Variants in ADGRB2 observed in about 807,000 individuals in gnomAD.
The protein encoded by ADGRB2 is brain-specific angiogenesis inhibitor 2.
In ADGRB2, 47 loss-of-function variants were observed where a neutral mutation model predicts 178.7. The observed-to-expected ratio is 0.26, with a 90% confidence interval of 0.21 to 0.34. The LOEUF (loss-of-function observed/expected upper bound fraction) is 0.34, where lower values mean the gene tolerates loss of function less well. ADGRB2 is among the 10% of genes least tolerant of loss of function. ADGRB2 has a pLI of 1.00. For synonymous variants in ADGRB2, 870 were observed against 912.4 expected, an observed-to-expected ratio of 0.95 and a Z score of 0.84; for missense variants, 1,584 against 2,180.8, an observed-to-expected ratio of 0.73 and a Z score of 5.45.
intron 28 of ADGRB2, 149 bp downstream of exon 28, chr1:31,731,966 C>G: frequency 2.0e-6 from 2 of 977,208 alleles, no homozygotes; most frequent in South Asian, 3.1e-5. Context: ...AAGGGACATT[C>G]GCAGCCTTGC....
rs1456729613 is a variant in ADGRB2 at position 31,727,512 on chromosome 1, G to A, written c.4666C>T (p.Pro1556Ser). The A allele has an allele frequency of 1.3e-5, 21 of 1,597,344 alleles. No homozygotes were observed. The highest frequency in any genetic ancestry group is 1.6e-5 in the Non-Finnish European group (19 of 1,175,530). Residue 1556 changes from proline (P) to serine (S), a missense_variant, in exon 33 of 33, where the codon CCC (proline) becomes TCC (serine). Around this residue, in one of 3 missense-constraint regions of ADGRB2, gnomAD observed 865 missense variants for 1,192.8 expected, o/e 0.73. Coordinates refer to ENST00000373658, the MANE Select transcript of ADGRB2 (RefSeq NM_001364857.2). This position sits in a 1 kb window ranked among gnomAD's most constrained non-coding sequence, Gnocchi z 4.4. ...TFKSMTLGSL[P>S]PKPRERLTLH... Reference sequence around the variant, plus strand: ...GTCAGCCGTTCTCGGGGCTTGGGGGGCAGCGAGCCCAGTGTCATAGATTTG... The same window carrying A: ...GTCAGCCGTTCTCGGGGCTTGGGGGACAGCGAGCCCAGTGTCATAGATTTG...
chr1:31,751,920 T>C (rs1646591290), intron 4 of ADGRB2, among the ~76,000 whole-genome samples: 1 of 152,206 alleles, frequency 6.6e-6, no homozygotes, highest in Admixed American at 6.5e-5. Context: ...ATCTACCATG[T>C]GCCAGGCACT....
rs1026593228 is a variant in ADGRB2 at position 31,754,475 on chromosome 1, G to A, written c.838+1524C>T. 6.6e-6 allele frequency among the ~76,000 whole-genome samples: 1 copy of A among 152,260 alleles called. No homozygotes were observed. Among genetic ancestry groups the A allele is most frequent in the Non-Finnish European group, 1.5e-5 (1 of 68,044 alleles). ...ATAAGCCTCCTGATATACGCCTGGC[G>A]TTCTCCGCCGATGTTCAACAAAGAA... On this transcript the variant is annotated intron_variant, in intron 4 of 32. Coordinates refer to ENST00000373658, the MANE Select transcript of ADGRB2 (RefSeq NM_001364857.2). The surrounding 1 kb of genome is among the most constrained non-coding windows in gnomAD (Gnocchi z 5.7).
In ADGRB2 at chr1:31,756,012, G is replaced by T; in HGVS notation, c.825C>A (p.Thr275=). 6.2e-7 allele frequency: 1 copy of T among 1,608,856 alleles called. No individual in the cohort carries two copies. The highest frequency in any genetic ancestry group is 1.7e-5 in the Admixed American group (1 of 59,876). The change falls in exon 4 of 33, where the codon ACC becomes ACA. Residue 275 remains threonine, a synonymous_variant. Coordinates refer to ENST00000373658, the MANE Select transcript of ADGRB2 (RefSeq NM_001364857.2). This position sits in a 1 kb window ranked among gnomAD's most constrained non-coding sequence, Gnocchi z 8.5. ...HSGSSNDLFT[T]EMRYGEEPEE... The stretch of plus-strand genomic sequence containing the variant: ...GCTGAGACTCACCATATCTCATCTC[G>T]GTTGTGAACAGATCATTGCTGCTCC...
chr1:31,732,861 G>A, intron 26 of ADGRB2, 111 bp downstream of exon 26: 2 of 1,398,266 alleles, frequency 1.4e-6, no homozygotes, highest in East Asian at 5.0e-5. Context: ...CCCAGATGGG[G>A]CCTGGGGCAC....
Position 31,742,036 on chromosome 1 carries a change from C to G in ADGRB2, c.1417+17G>C. ...TGGTCAGAGCTGCAACTTGCCACCA[C>G]TGTGCCAAGCACTCACCCGGGCACT... On this transcript the variant is annotated intron_variant, in intron 8 of 32. Coordinates refer to ENST00000373658, the MANE Select transcript of ADGRB2 (RefSeq NM_001364857.2). The G allele has an allele frequency of 1.3e-6, 2 of 1,595,344 alleles. No individual in the cohort carries two copies. Among genetic ancestry groups the G allele is most frequent in the Non-Finnish European group, 1.7e-6 (2 of 1,168,580 alleles).
rs891418357 is a variant in ADGRB2 at position 31,761,257 on chromosome 1, C to T, written c.-191+2627G>A. On this transcript the variant is annotated intron_variant, in intron 1 of 32. Transcript: ENST00000373658. This position sits in a 1 kb window ranked among gnomAD's most constrained non-coding sequence, Gnocchi z 4.2. ...AGCCATCACAGGTTCGAGTCCCCTTCCTCCGTGCCACCTTCCCTGCCCCCA... is the reference window on the plus strand; with the variant it reads ...AGCCATCACAGGTTCGAGTCCCCTTTCTCCGTGCCACCTTCCCTGCCCCCA... Among the ~76,000 whole-genome samples the T allele has an allele frequency of 6.6e-6, 1 of 152,220 alleles. No homozygotes were observed.
Position 31,728,767 on chromosome 1 carries a change from G to T in ADGRB2, c.4381-134C>A. Reference sequence around the variant, plus strand: ...TCCCCCCAACCCAGGCCCAGAAGTTGCGGACCTTCATGGGGCAGCTTTTCA... The same window carrying T: ...TCCCCCCAACCCAGGCCCAGAAGTTTCGGACCTTCATGGGGCAGCTTTTCA... On this transcript the variant is annotated intron_variant, in intron 29 of 32. Coordinates refer to ENST00000373658, the MANE Select transcript of ADGRB2 (RefSeq NM_001364857.2). This position sits in a 1 kb window ranked among gnomAD's most constrained non-coding sequence, Gnocchi z 6.7. The T allele has an allele frequency of 2.1e-6, 2 of 962,216 alleles. No individual in the cohort carries two copies. The highest frequency in any genetic ancestry group is 2.8e-5 in the South Asian group (2 of 72,470). The allele number at this position is 962,216 out of a possible 1,614,324, so 59.6% of individuals were successfully genotyped here. A position where few individuals can be genotyped will look rare whatever the true frequency, so the allele number is the denominator to read the frequency against.
chr1:31,734,551 G>A (rs1161658736), intron 25 of ADGRB2, among the ~76,000 whole-genome samples: 2 of 152,248 alleles, frequency 1.3e-5, no homozygotes, highest in African/African-American at 2.4e-5. Context: ...TGGGCATGGA[G>A]GCTTGGGTGG....
At position 31,759,400 on chromosome 1, in the gene ADGRB2, G is replaced by A; in HGVS notation, c.-190-1889C>T. 1.3e-6 allele frequency: 1 copy of A among 779,394 alleles called. No individual in the cohort carries two copies. The highest frequency in any genetic ancestry group is 2.4e-6 in the Non-Finnish European group (1 of 417,782). 48.3% of individuals were successfully genotyped at this position (779,394 alleles called of 1,614,324 possible). ...TCCTCTGCGGGGTCTTCCTTTGCAT[G>A]TCTGAAGCTGGATCTCCCTCCCCTA... On this transcript the variant is annotated intron_variant, in intron 1 of 32. Coordinates refer to ENST00000373658, the MANE Select transcript of ADGRB2 (RefSeq NM_001364857.2). The surrounding 1 kb of genome is among the most constrained non-coding windows in gnomAD (Gnocchi z 4.3).
intron 2 of ADGRB2, 42 bp from the exon 3 acceptor site, chr1:31,757,323 CT>C: frequency 2.0e-6 from 3 of 1,479,120 alleles, no homozygotes; most frequent in Middle Eastern, 1.7e-4. Flanking sequence ...CTATGATTTG[CT>C]TTTTTATAAA....
chr1:31,734,358 T>C lies in ADGRB2; in HGVS notation c.3452+825A>G, dbSNP rs561584014. On this transcript the variant is annotated intron_variant, in intron 25 of 32. Transcript: ENST00000373658. ...CCCAGCTGGGCAGGGAGAGGCACAG[T>C]TGGGATACAAACACAGCTTGACCGA... Among the ~76,000 whole-genome samples the C allele has an allele frequency of 2.6e-5, 4 of 152,218 alleles. No individual in the cohort carries two copies. The East Asian group carries it at 5.8e-4, about 22-fold the overall frequency.
chr1:31,734,898 G>A (rs575954196), intron 25 of ADGRB2, among the ~76,000 whole-genome samples: 26 of 152,274 alleles, frequency 1.7e-4, no homozygotes, highest in Admixed American at 2.6e-4. Context: ...TGTAGGTTGG[G>A]GGTGTGGGGC....
Position 31,730,954 on chromosome 1 carries a change from C to T in ADGRB2, c.4226G>A (p.Gly1409Asp). The change falls in exon 29 of 33, where the codon GGC (glycine) becomes GAC (aspartate). Residue 1409 changes from glycine (G) to aspartate (D), a missense_variant. This residue lies in a region of ADGRB2 where 865 missense variants were observed against 1,192.8 expected (regional missense o/e 0.73). Transcript: ENST00000373658. ...LSVDHSGLGL[G>D]PAYGSLQNPY... The stretch of plus-strand genomic sequence containing the variant: ...ATTCTGGAGAGATCCATAGGCAGGG[C>T]CCAGCCCCAGGCCCGAGTGGTCCAC... 6.4e-7 allele frequency: 1 copy of T among 1,568,720 alleles called. No individual in the cohort carries two copies. Among genetic ancestry groups the T allele is most frequent in the Non-Finnish European group, 8.7e-7 (1 of 1,154,704 alleles).
chr1:31,741,525 C>G lies in ADGRB2; in HGVS notation c.1688-46G>C. ...GGTCTGGGCATGGGGGCCGAGCTCT[C>G]ACCCACACTCCTCCGTATCTCAGAG... is the stretch of plus-strand genomic sequence containing the variant. On this transcript the variant is annotated intron_variant, in intron 10 of 32. Coordinates refer to ENST00000373658, the MANE Select transcript of ADGRB2 (RefSeq NM_001364857.2). This position sits in a 1 kb window ranked among gnomAD's most constrained non-coding sequence, Gnocchi z 6.5. 1 of 1,583,204 alleles carries G rather than the reference C, an allele frequency of 6.3e-7. No homozygotes were observed. Among genetic ancestry groups the G allele is most frequent in the Non-Finnish European group, 8.6e-7 (1 of 1,161,732 alleles).
Position 31,744,754 on chromosome 1 carries a change from G to C in ADGRB2, c.839-23C>G. On this transcript the variant is annotated intron_variant, in intron 4 of 32. Coordinates refer to ENST00000373658, the MANE Select transcript of ADGRB2 (RefSeq NM_001364857.2). This position sits in a 1 kb window ranked among gnomAD's most constrained non-coding sequence, Gnocchi z 6.7. ...CACCTGGAACACGGAGGTGGTGGCA[G>C]GGGCTCAGCAAAGGCCAGCTAGGTT... 1 of 1,613,284 alleles carries C rather than the reference G, an allele frequency of 6.2e-7. No individual in the cohort carries two copies. The highest frequency in any genetic ancestry group is 8.5e-7 in the Non-Finnish European group (1 of 1,179,214).
chr1:31,743,117 G>C, intron 6 of ADGRB2, 115 bp from the exon 7 acceptor site: 1 of 1,214,938 alleles, frequency 8.2e-7, no homozygotes, highest in Non-Finnish European at 1.1e-6. Context: ...GCTCCTCATT[G>C]GCTCTGCCCC....
chr1:31,737,616 C>A (rs564192128), intron 19 of ADGRB2, 36 bp downstream of exon 19: 33 of 1,611,804 alleles, frequency 2.0e-5, no homozygotes, highest in South Asian at 3.3e-5. Flanking sequence ...GCCTGCCCCC[C>A]CTCCCCCAGC....
Position 31,730,864 on chromosome 1 carries a change from CCTGGCT to C in ADGRB2, c.4310_4315del (p.Glu1437_Pro1438del). ...GCGAGGCATGGTCCGGCTGCGCTCC[CCTGGCT>C]CGGGCACTTGGCGGGCGCTGGGTGT... On this transcript the variant is annotated inframe_deletion, in exon 29 of 33. Transcript: ENST00000373658. 6.4e-7 allele frequency: 1 copy of C among 1,556,648 alleles called. No homozygotes were observed. The highest frequency in any genetic ancestry group is 8.7e-7 in the Non-Finnish European group (1 of 1,152,560).
Sources: allele counts gnomAD v4.1 joint callset (sites outside exome capture counted in the v4.1 genomes callset), GRCh38; gene constraint gnomAD v4.1.1; regional missense constraint gnomAD v4.1.1; non-coding constraint Gnocchi (gnomAD v3.1); transcripts MANE v1.5; gene names NCBI Gene and HGNC (gene_info 2026-07-23, HGNC 2026-07-21).